Variants in PCSK2 observed in about 807,000 individuals in gnomAD.
PCSK2 encodes the protein proprotein convertase subtilisin/kexin type 2, also known as neuroendocrine convertase 2.
A neutral mutation model predicts 69.7 loss-of-function variants in PCSK2; 14 were observed. The observed-to-expected ratio is 0.20, with a 90% CI of 0.13 to 0.31. The LOEUF (loss-of-function observed/expected upper bound fraction) is 0.31, where lower values mean the gene tolerates loss of function less well. Ranked by LOEUF, PCSK2 falls within the 10% of genes least tolerant of loss-of-function variation. The pLI, the probability that PCSK2 is intolerant of heterozygous loss-of-function variation, is 1.00. For missense variants in PCSK2, 544 were observed against 842.5 expected, an observed-to-expected ratio of 0.65 and a Z score of 4.39; for synonymous variants, 307 against 320.7, an observed-to-expected ratio of 0.96 and a Z score of 0.46.
chr20:17,335,427 T>TGTGTGTGTGTG (rs74179104), intron 2 of PCSK2, among the ~76,000 whole-genome samples: 2 of 139,280 alleles, frequency 1.4e-5, no homozygotes, highest in South Asian at 2.5e-4. Flanking sequence ...CAGCATCACT[T>TGTGTGTGTGTG]TGTGTGTGTG....
chr20:17,303,246 TTA>T (rs1989148149), intron 2 of PCSK2, among the ~76,000 whole-genome samples: 1 of 141,676 alleles, frequency 7.1e-6, no homozygotes. Flanking sequence ...TTATAGATAA[TTA>T]TATATAATAT....
At chr20:17,369,820 A>C (rs2030705517) in intron 5 of PCSK2, among the ~76,000 whole-genome samples, 1 of 152,256 alleles carries the variant, frequency 6.6e-6, no homozygotes. Flanking sequence ...ACAAAACCAA[A>C]GGCAAAAAGC....
rs115122773 is a variant in PCSK2 at position 17,299,529 on chromosome 20, A to G, written c.282+39185A>G. On this transcript the variant is annotated intron_variant, in intron 2 of 11. Transcript: ENST00000262545. ...GAAGAATTCTGGAGCAATTTAATCC[A>G]GTTTCAAAAAAATAGCCCTTGGGAC... Among the ~76,000 whole-genome samples, 1,178 of 152,114 alleles carry G rather than the reference A, an allele frequency of 7.7e-3. 16 individuals carry two copies. Among genetic ancestry groups the G allele is most frequent in the African/African-American group, 0.026 (1,090 of 41,482 alleles).
intron 8 of PCSK2, among the ~76,000 whole-genome samples, chr20:17,437,781 C>T (rs556687006): frequency 6.6e-6 from 1 of 152,350 alleles, no homozygotes; most frequent in South Asian, 2.1e-4. Context: ...GGAATTTGGA[C>T]CGGGCACACT....
intron 5 of PCSK2, among the ~76,000 whole-genome samples, chr20:17,385,106 T>C (rs1414553754): frequency 1.3e-5 from 2 of 152,322 alleles, no homozygotes; most frequent in East Asian, 3.9e-4. Context: ...TATGGTTGCC[T>C]GCATGCTCTA....
chr20:17,258,843 G>A (rs1987274255), intron 1 of PCSK2, among the ~76,000 whole-genome samples: 1 of 149,716 alleles, frequency 6.7e-6, no homozygotes, highest in African/African-American at 2.5e-5. Flanking sequence ...GACTATTAAG[G>A]AAATAATCAT....
intron 2 of PCSK2, among the ~76,000 whole-genome samples, chr20:17,353,101 A>G (rs999040254): frequency 2.6e-5 from 4 of 152,202 alleles, no homozygotes; most frequent in Admixed American, 6.5e-5. Context: ...ATCACTAATC[A>G]TTGCAGAAAA....
chr20:17,238,547 G>C (rs1986429613), intron 1 of PCSK2, among the ~76,000 whole-genome samples: 1 of 152,082 alleles, frequency 6.6e-6, no homozygotes, highest in African/African-American at 2.4e-5. Context: ...AAGCATTTGA[G>C]CCTTGTTGCT....
At chr20:17,396,556 G>GT (rs924358131) in intron 5 of PCSK2, among the ~76,000 whole-genome samples, 24 of 152,020 alleles carry the variant, frequency 1.6e-4, no homozygotes, top group African/African-American at 5.8e-4. Flanking sequence ...AGGGAATGAA[G>GT]TGATGATGGC....
intron 6 of PCSK2, among the ~76,000 whole-genome samples, chr20:17,422,025 A>T (rs1012777285): frequency 2.6e-5 from 4 of 152,138 alleles, no homozygotes; most frequent in Non-Finnish European, 1.5e-5. Flanking sequence ...TGATAAATGC[A>T]TGGGTGACAT....
chr20:17,324,981 T>G (rs1206178939), intron 2 of PCSK2, among the ~76,000 whole-genome samples: 1 of 152,072 alleles, frequency 6.6e-6, no homozygotes, highest in East Asian at 1.9e-4. Context: ...CCACACAGTG[T>G]GCATAGAAGG....
chr20:17,280,768 C>T (rs1173666043), intron 2 of PCSK2, among the ~76,000 whole-genome samples: 1 of 152,182 alleles, frequency 6.6e-6, no homozygotes, highest in African/African-American at 2.4e-5. Flanking sequence ...AATTAATTGG[C>T]ACTTTCCATG....
Position 17,409,255 on chromosome 20 carries a change from T to C in PCSK2, c.544-8T>C. On this transcript the variant is annotated splice_polypyrimidine_tract_variant and splice_region_variant and intron_variant, in intron 5 of 11. Transcript: ENST00000262545. ...TACGGACCTAATGAGATGCCTTGTG[T>C]TTTTCAGAATGCCGAAGCAAGTTAC... 1 of 1,612,804 alleles carries C rather than the reference T, an allele frequency of 6.2e-7. No homozygotes were observed. The highest frequency in any genetic ancestry group is 8.5e-7 in the Non-Finnish European group (1 of 1,178,832).
At chr20:17,275,691 T>C (rs1222814316) in intron 2 of PCSK2, among the ~76,000 whole-genome samples, 1 of 152,158 alleles carries the variant, frequency 6.6e-6, no homozygotes, top group Admixed American at 6.6e-5. Context: ...TGGATTTACA[T>C]TTTCTTTGAA....
intron 2 of PCSK2, among the ~76,000 whole-genome samples, chr20:17,330,316 G>A (rs6136069): frequency 0.083 from 12,691 of 152,080 alleles, 604 homozygotes; most frequent in East Asian, 0.14. Context: ...ATTCTTGGCC[G>A]GGCACAGTGG....
intron 8 of PCSK2, among the ~76,000 whole-genome samples, chr20:17,437,993 A>G (rs1043622535): frequency 9.2e-6 from 1 of 108,826 alleles, no homozygotes; most frequent in African/African-American, 3.6e-5. Context: ...GTTCCCCCCC[A>G]CCCACACCGT....
chr20:17,452,882 T>C (rs950641121), intron 8 of PCSK2, among the ~76,000 whole-genome samples: 3 of 152,208 alleles, frequency 2.0e-5, no homozygotes, highest in African/African-American at 4.8e-5. Context: ...TCTAAGAACA[T>C]GGTTTGAGGA....
chr20:17,343,608 G>A (rs959465288), intron 2 of PCSK2, among the ~76,000 whole-genome samples: 5 of 152,218 alleles, frequency 3.3e-5, no homozygotes, highest in Non-Finnish European at 5.9e-5. Context: ...GCAAGGTGGG[G>A]TTAAGGTTTT....
intron 1 of PCSK2, among the ~76,000 whole-genome samples, chr20:17,237,014 C>T (rs1568564827): frequency 6.6e-6 from 1 of 151,998 alleles, no homozygotes; most frequent in Non-Finnish European, 1.5e-5. Context: ...ACTGCAGAGG[C>T]AAGTGGGAAA....
Sources: allele counts gnomAD v4.1 joint callset (sites outside exome capture counted in the v4.1 genomes callset), GRCh38; gene constraint gnomAD v4.1.1; transcripts MANE v1.5; gene names NCBI Gene and HGNC (gene_info 2026-07-23, HGNC 2026-07-21).